The following PCCA variants were observed in gnomAD, a reference collection of about 807,000 sequenced individuals.
PCCA encodes propionyl-CoA carboxylase alpha chain, mitochondrial.
A neutral mutation model predicts 101.3 loss-of-function variants in PCCA; 74 were observed. The ratio of observed to expected loss-of-function variants is 0.73; its 90% CI spans 0.61 to 0.89. The LOEUF (loss-of-function observed/expected upper bound fraction) is 0.89. Among genes scored for constraint, PCCA ranks in the 40% least tolerant of loss-of-function variants. PCCA has a pLI of 0.00. For missense variants in PCCA, 891 were observed against 907.0 expected (o/e 0.98, Z 0.23); for synonymous variants, 294 against 313.6 (o/e 0.94, Z 0.66).
At chr13:100,367,379 T>G (rs2075257238) in intron 18 of PCCA, among the ~76,000 whole-genome samples, 1 of 152,024 alleles carries the variant, frequency 6.6e-6, no homozygotes, top group Admixed American at 6.6e-5. Flanking sequence ...AAATAATGTG[T>G]AAGTTTCCAA....
intron 1 of PCCA, among the ~76,000 whole-genome samples, chr13:100,092,973 C>T (rs547853723): frequency 1.6e-4 from 25 of 152,144 alleles, no homozygotes; most frequent in Admixed American, 1.5e-3. Context: ...TATTCTGTTC[C>T]TGAGAGGTTC....
chr13:100,358,541 T>C (rs1345349765), intron 18 of PCCA, among the ~76,000 whole-genome samples: 1 of 152,290 alleles, frequency 6.6e-6, no homozygotes, highest in Admixed American at 6.5e-5. Flanking sequence ...AAATTCCATA[T>C]CTAAAATGTC....
intron 19 of PCCA, among the ~76,000 whole-genome samples, chr13:100,416,121 G>A (rs2152877796): frequency 6.6e-6 from 1 of 152,108 alleles, no homozygotes; most frequent in South Asian, 2.1e-4. Context: ...TGCTTTTAAT[G>A]GAATCCAGAG....
chr13:100,214,433 G>GTT (rs1328567731), intron 7 of PCCA, among the ~76,000 whole-genome samples: 2 of 143,748 alleles, frequency 1.4e-5, no homozygotes, highest in Admixed American at 1.4e-4. Context: ...GTGTGTGTGT[G>GTT]TTTTTTTTTT....
Position 100,425,740 on chromosome 13 carries a change from T to C in PCCA, c.1845+9T>C. The C allele has an allele frequency of 6.3e-7, 1 of 1,594,120 alleles. No homozygotes were observed. Among genetic ancestry groups the C allele is most frequent in the Non-Finnish European group, 8.6e-7 (1 of 1,161,928 alleles). On this transcript the variant is annotated intron_variant, in intron 20 of 23. Transcript: ENST00000376285. Reference sequence around the variant, plus strand: ...CTCAGAGGACTGTCCAGGTGAGTGTTGTAAGGATTTCCTTAGAGGGCCTCC... The same window carrying C: ...CTCAGAGGACTGTCCAGGTGAGTGTCGTAAGGATTTCCTTAGAGGGCCTCC...
At chr13:100,232,394 T>G (rs2060549602) in intron 7 of PCCA, among the ~76,000 whole-genome samples, 6 of 64,972 alleles carry the variant, frequency 9.2e-5, no homozygotes, top group African/African-American at 3.3e-4. Flanking sequence ...GTGTGTGTGG[T>G]TTTAGAGACG....
At chr13:100,111,625 G>A (rs576717186) in intron 2 of PCCA, among the ~76,000 whole-genome samples, 17 of 151,972 alleles carry the variant, frequency 1.1e-4, no homozygotes, top group Non-Finnish European at 2.2e-4. Flanking sequence ...GGTTGTAAAC[G>A]GTTATACTAT....
rs571282447 is a variant in PCCA at position 100,437,648 on chromosome 13, ATTTC to A, written c.1846-11600_1846-11597del. 5.8e-3 allele frequency among the ~76,000 whole-genome samples: 884 copies of A among 152,140 alleles called. 6 individuals are homozygous for A. Among genetic ancestry groups the A allele is most frequent in the African/African-American group, 0.02 (824 of 41,500 alleles). On this transcript the variant is annotated intron_variant, in intron 20 of 23. Coordinates refer to ENST00000376285, the MANE Select transcript of PCCA (RefSeq NM_000282.4). ...AAGGCTAACACAAGCCATATTTAAA[ATTTC>A]TTTGTTTTAATTAATTAGCTCTTTG... is the stretch of plus-strand genomic sequence containing the variant.
At chr13:100,178,755 A>T (rs1186440830) in intron 6 of PCCA, among the ~76,000 whole-genome samples, 1 of 152,124 alleles carries the variant, frequency 6.6e-6, no homozygotes, top group African/African-American at 2.4e-5. Context: ...TAATTTAGAC[A>T]CAAGATTTAG....
At chr13:100,260,500 G>T (rs1270660663) in intron 9 of PCCA, among the ~76,000 whole-genome samples, 1 of 151,506 alleles carries the variant, frequency 6.6e-6, no homozygotes, top group Non-Finnish European at 1.5e-5. Flanking sequence ...GGGTTCAAGC[G>T]ATTCTCCTGC....
chr13:100,115,821 A>G (rs1340682405), intron 4 of PCCA, among the ~76,000 whole-genome samples: 1 of 152,220 alleles, frequency 6.6e-6, no homozygotes, highest in African/African-American at 2.4e-5. Flanking sequence ...GGCTGAAAGC[A>G]GTAGGGAATA....
chr13:100,450,976 T>TAAGGAATTGGCTCAAGC, intron 21 of PCCA, among the ~76,000 whole-genome samples: 1 of 152,190 alleles, frequency 6.6e-6, no homozygotes, highest in African/African-American at 2.4e-5. Context: ...AAGATAGATC[T>TAAGGAATTGGCTCAAGC]AAGGAATTGG....
intron 6 of PCCA, among the ~76,000 whole-genome samples, chr13:100,202,389 A>C (rs1461740230): frequency 6.6e-6 from 1 of 152,096 alleles, no homozygotes; most frequent in Non-Finnish European, 1.5e-5. Context: ...TTTCTTACTC[A>C]AAAGAGTTTA....
intron 1 of PCCA, among the ~76,000 whole-genome samples, chr13:100,102,363 A>G (rs2047357573): frequency 6.6e-6 from 1 of 152,212 alleles, no homozygotes; most frequent in African/African-American, 2.4e-5. Flanking sequence ...AAACAGTTCA[A>G]TGAATGAGAA....
intron 21 of PCCA, among the ~76,000 whole-genome samples, chr13:100,481,421 G>A (rs1074602): frequency 0.13 from 19,728 of 152,100 alleles, 2,449 homozygotes; most frequent in African/African-American, 0.33. Context: ...CACCGGTCAC[G>A]GTGGCACATA....
rs2088307638 is a variant in PCCA, at chr13:100,530,258, C to A, written c.*92C>A. ...TTGATTCAAGCATTATACAGGAACA[C>A]CCCTGTGCAGCTACGTTTACGTCGT... On this transcript the variant is annotated 3_prime_UTR_variant, in exon 24 of 24. Coordinates refer to ENST00000376285, the MANE Select transcript of PCCA (RefSeq NM_000282.4). 1.6e-5 allele frequency: 16 copies of A among 1,008,708 alleles called. No individual in the cohort carries two copies. The highest frequency in any genetic ancestry group is 2.2e-5 in the Non-Finnish European group (14 of 637,238). 62.5% of individuals were successfully genotyped at this position (1,008,708 alleles called of 1,614,324 possible).
chr13:100,120,306 G>GT (rs1158315645), intron 4 of PCCA, among the ~76,000 whole-genome samples: 2 of 151,798 alleles, frequency 1.3e-5, no homozygotes, highest in Admixed American at 1.3e-4. Context: ...AGCCTCCTGA[G>GT]TAGCTGGGAC....
chr13:100,520,552 G>A (rs1189492688), intron 22 of PCCA, among the ~76,000 whole-genome samples: 9 of 148,010 alleles, frequency 6.1e-5, no homozygotes, highest in Admixed American at 4.8e-4. Context: ...GGAGAATGGC[G>A]TGAACCCGGA....
At chr13:100,311,236 G>GAAA (rs34801958) in intron 16 of PCCA, among the ~76,000 whole-genome samples, 1 of 149,758 alleles carries the variant, frequency 6.7e-6, no homozygotes, top group East Asian at 2.0e-4. Flanking sequence ...CCGTCTCAAT[G>GAAA]AAAAAAAAAA....
Sources: allele counts gnomAD v4.1 joint callset (sites outside exome capture counted in the v4.1 genomes callset), GRCh38; gene constraint gnomAD v4.1.1; transcripts MANE v1.5; gene names NCBI Gene and HGNC (gene_info 2026-07-23, HGNC 2026-07-21).